MGST1: variants seen among roughly 807,000 people sequenced by gnomAD.
MGST1 encodes the protein glutathione S-transferase 12.
In MGST1, 5 loss-of-function variants were observed where a neutral mutation model predicts 8.9. The observed-to-expected ratio is 0.56, with a 90% CI of 0.29 to 1.19. The LOEUF (loss-of-function observed/expected upper bound fraction) is 1.19. Ranked by LOEUF, MGST1 falls within the 50% of genes most tolerant of loss-of-function variation. MGST1 has a pLI of 0.08. For missense variants in MGST1, 182 were observed against 187.4 expected, an observed-to-expected ratio of 0.97 and a Z score of 0.17; for synonymous variants, 54 against 67.8, an observed-to-expected ratio of 0.80 and a Z score of 1.00.
Position 16,513,562 on chromosome 12 carries a change from A to G in MGST1, n.483-75966A>G. On this transcript the variant is annotated intron_variant and non_coding_transcript_variant, in intron 4 of 4. Coordinates refer to the MGST1 transcript ENST00000538857. The surrounding 1 kb of genome is among the most constrained non-coding windows in gnomAD (Gnocchi z 4.2). ...AGGCTTTAAGAGGGACACCAATAGCAAAAAGATGAATCTGGGAGTTAGTGC... is the reference window on the plus strand; with the variant it reads ...AGGCTTTAAGAGGGACACCAATAGCGAAAAGATGAATCTGGGAGTTAGTGC... The G allele has an allele frequency of 2.0e-6, 1 of 490,386 alleles. No individual in the cohort carries two copies. Among genetic ancestry groups the G allele is most frequent in the African/African-American group, 2.0e-5 (1 of 50,846 alleles). 30.4% of individuals were successfully genotyped at this position (490,386 alleles called of 1,614,324 possible).
At chr12:16,414,828 G>T (rs1172996333) in intron 1 of MGST1, among the ~76,000 whole-genome samples, 2 of 152,144 alleles carry the variant, frequency 1.3e-5, no homozygotes, top group Non-Finnish European at 2.9e-5. Flanking sequence ...TTTGAGACCA[G>T]CCTGGTTAAC....
At chr12:16,484,634 A>G (rs533442156) in intron 4 of MGST1, among the ~76,000 whole-genome samples, 14 of 152,236 alleles carry the variant, frequency 9.2e-5, no homozygotes, top group African/African-American at 3.4e-4. Context: ...CTGGAGCAGG[A>G]GGAAGAGAGC....
chr12:16,568,169 T>C (rs1310722488), intron 4 of MGST1, among the ~76,000 whole-genome samples: 1 of 152,166 alleles, frequency 6.6e-6, no homozygotes, highest in Non-Finnish European at 1.5e-5. Flanking sequence ...GGAAACCTGA[T>C]TTCCCATTAG....
At chr12:16,495,808 C>G (rs183568539) in intron 4 of MGST1, among the ~76,000 whole-genome samples, 17 of 152,030 alleles carry the variant, frequency 1.1e-4, no homozygotes, top group Admixed American at 9.2e-4. Context: ...TCTTCTGTCT[C>G]TCTTATCCAT....
intron 4 of MGST1, among the ~76,000 whole-genome samples, chr12:16,552,510 C>G (rs115358923): frequency 2.0e-5 from 3 of 152,118 alleles, no homozygotes; most frequent in African/African-American, 7.2e-5. Flanking sequence ...GCTAGACAAA[C>G]AGTGAACCTA....
intron 1 of MGST1, chr12:16,402,329 A>G (rs753242182): frequency 6.3e-6 from 10 of 1,597,022 alleles, no homozygotes; most frequent in Middle Eastern, 1.8e-4. Context: ...CAATGGCTCA[A>G]CGTTGGCATA....
chr12:16,591,851 C>T (rs1231134356), downstream of MGST1, among the ~76,000 whole-genome samples: 1 of 152,006 alleles, frequency 6.6e-6, no homozygotes, highest in East Asian at 1.9e-4. The surrounding 1 kb of genome is among the most constrained non-coding windows in gnomAD (Gnocchi z 4.1). Context: ...TTATGAAGTC[C>T]AGATACTTTA....
chr12:16,355,372 T>C (rs1009720299), intron 2 of MGST1, among the ~76,000 whole-genome samples: 8 of 151,690 alleles, frequency 5.3e-5, no homozygotes, highest in Non-Finnish European at 1.2e-4. Flanking sequence ...CCAGGCCCAG[T>C]TGATTTTTGT....
intron 4 of MGST1, among the ~76,000 whole-genome samples, chr12:16,519,956 C>T (rs1191000554): frequency 2.0e-5 from 3 of 152,102 alleles, no homozygotes; most frequent in Non-Finnish European, 2.9e-5. Flanking sequence ...ATACATGTTG[C>T]CTCTGGTGAG....
intron 4 of MGST1, among the ~76,000 whole-genome samples, chr12:16,525,251 C>T (rs1211644007): frequency 2.0e-5 from 3 of 149,392 alleles, no homozygotes; most frequent in Admixed American, 6.7e-5. Context: ...CCCACTAACT[C>T]GTCATCTAGC....
chr12:16,485,962 A>G (rs1941396715), intron 4 of MGST1, among the ~76,000 whole-genome samples: 1 of 152,196 alleles, frequency 6.6e-6, no homozygotes, highest in African/African-American at 2.4e-5. Context: ...CTCCATTCCA[A>G]CCACATAAGG....
intron 4 of MGST1, among the ~76,000 whole-genome samples, chr12:16,498,330 C>T (rs1318554140): frequency 6.6e-6 from 1 of 152,282 alleles, no homozygotes; most frequent in Admixed American, 6.5e-5. Context: ...AGTGAACATG[C>T]ATTTACTCAG....
intron 4 of MGST1, among the ~76,000 whole-genome samples, chr12:16,444,502 CT>C (rs1941064291): frequency 6.6e-6 from 1 of 151,860 alleles, no homozygotes; most frequent in Non-Finnish European, 1.5e-5. Context: ...TTTCTTTTGT[CT>C]CAACAGTATC....
intron 4 of MGST1, among the ~76,000 whole-genome samples, chr12:16,505,197 C>T (rs1183878464): frequency 6.6e-6 from 1 of 152,050 alleles, no homozygotes; most frequent in African/African-American, 2.4e-5. Flanking sequence ...GCAGAGTTAC[C>T]ACAGGTCCCT....
intron 3 of MGST1, chr12:16,360,402 G>A: frequency 2.0e-6 from 2 of 978,864 alleles, no homozygotes; most frequent in Non-Finnish European, 2.4e-6. Flanking sequence ...AATTGTGAAA[G>A]TTAATACATA....
chr12:16,387,678 C>T (rs1311869130), intron 1 of MGST1, among the ~76,000 whole-genome samples: 1 of 152,032 alleles, frequency 6.6e-6, no homozygotes, highest in Non-Finnish European at 1.5e-5. Flanking sequence ...AGGCGCCCAC[C>T]ACCACGCCTG....
At chr12:16,405,724 A>T (rs969834104) in intron 1 of MGST1, among the ~76,000 whole-genome samples, 29 of 152,150 alleles carry the variant, frequency 1.9e-4, no homozygotes, top group Admixed American at 7.9e-4. Flanking sequence ...ACAATGAAAT[A>T]GGCTTTATCT....
At chr12:16,468,630 G>A (rs558278487) in intron 4 of MGST1, among the ~76,000 whole-genome samples, 9 of 152,238 alleles carry the variant, frequency 5.9e-5, no homozygotes, top group Non-Finnish European at 7.4e-5. Flanking sequence ...TGGGTAAAAC[G>A]TATATATATT....
Position 16,423,701 on chromosome 12 carries a change from C to G in MGST1, n.779-13687C>G, listed in dbSNP as rs938996472. Among the ~76,000 whole-genome samples the G allele has an allele frequency of 3.3e-5, 5 of 152,318 alleles. No homozygotes were observed. The East Asian group carries it at 9.6e-4, about 29-fold the overall frequency. On this transcript the variant is annotated intron_variant and non_coding_transcript_variant, in intron 1 of 1. Coordinates refer to the MGST1 transcript ENST00000359720. ...TATTTTGTTACTCAGCATACATACT[C>G]CTTCCTCATGCTTCCTTGAATTCTG...
Sources: allele counts gnomAD v4.1 joint callset (sites outside exome capture counted in the v4.1 genomes callset), GRCh38; gene constraint gnomAD v4.1.1; non-coding constraint Gnocchi (gnomAD v3.1); transcripts MANE v1.5; gene names NCBI Gene and HGNC (gene_info 2026-07-23, HGNC 2026-07-21).